Variants in PCDHGA9 observed in about 807,000 individuals in gnomAD.
The protein encoded by PCDHGA9 is protocadherin gamma-A9.
PCDHGA9 carries 37 observed loss-of-function variants against 62.5 expected under a neutral mutation model. The ratio of observed to expected loss-of-function variants is 0.59; its 90% CI spans 0.46 to 0.78. The LOEUF is 0.78. PCDHGA9 is among the 30% of genes least tolerant of loss of function. The probability of loss-of-function intolerance (pLI) is 0.00; values close to 1 mark genes in which losing one functional copy is unlikely to be tolerated. For missense variants in PCDHGA9, 1,138 were observed against 1,166.2 expected (o/e 0.98, Z 0.35); for synonymous variants, 459 against 484.6 (o/e 0.95, Z 0.69).
In PCDHGA9 at chr5:141,476,432, G is replaced by A. The variant is rs139089802; in HGVS notation, c.2425-18375G>A. 15 of 1,614,116 alleles carry A rather than the reference G, an allele frequency of 9.3e-6. No individual in the cohort carries two copies. The East Asian group carries it at 3.3e-4, about 36-fold the overall frequency. Reference sequence around the variant, plus strand: ...GTGTGGGACACTGCCCTCTTGCACTGTAACTCTGGAGTTGGTAGTGGAGAA... The same window carrying A: ...GTGTGGGACACTGCCCTCTTGCACTATAACTCTGGAGTTGGTAGTGGAGAA... On this transcript the variant is annotated intron_variant, in intron 1 of 3. Coordinates refer to ENST00000573521, the MANE Select transcript of PCDHGA9 (RefSeq NM_018921.3). The surrounding 1 kb of genome is among the most constrained non-coding windows in gnomAD (Gnocchi z 7.6).
chr5:141,422,661 C>T (rs1289162498), intron 1 of PCDHGA9: 7 of 1,608,938 alleles, frequency 4.4e-6, no homozygotes, highest in Admixed American at 1.7e-5. Flanking sequence ...TGACCGCCCT[C>T]GACCCGGACA....
rs746311453 is a variant in PCDHGA9 at position 141,428,229 on chromosome 5, C to T, written c.2424+22853C>T. On this transcript the variant is annotated intron_variant, in intron 1 of 3. Coordinates refer to ENST00000573521, the MANE Select transcript of PCDHGA9 (RefSeq NM_018921.3). ...CGCTTCACCTAGTCTTCGCAGACAGCCTGCAGGAGGCACTGCCAGACTTCA... is the reference window on the plus strand; with the variant it reads ...CGCTTCACCTAGTCTTCGCAGACAGTCTGCAGGAGGCACTGCCAGACTTCA... 3 of 1,098,554 alleles carry T rather than the reference C, an allele frequency of 2.7e-6. No homozygotes were observed. In the South Asian group the frequency reaches 3.9e-5, roughly 14 times the overall value. The allele number at this position is 1,098,554 out of a possible 1,614,324, so 68.1% of individuals were successfully genotyped here.
chr5:141,460,377 T>C (rs1592666836), intron 1 of PCDHGA9, among the ~76,000 whole-genome samples: 1 of 152,342 alleles, frequency 6.6e-6, no homozygotes, highest in Non-Finnish European at 1.5e-5. Flanking sequence ...AGTTTTACCA[T>C]TTATAATTTG....
chr5:141,477,901 C>T lies in PCDHGA9; in HGVS notation c.2425-16906C>T, dbSNP rs2099423750. ...GCCACCTAGTGTCACGGGTGGTAGG[C>T]TGGGACGCGGATGCAGGGCACAATG... On this transcript the variant is annotated intron_variant, in intron 1 of 3. Transcript: ENST00000573521. The surrounding 1 kb of genome is among the most constrained non-coding windows in gnomAD (Gnocchi z 4.9). The T allele has an allele frequency of 1.9e-6, 3 of 1,614,188 alleles. No homozygotes were observed. The highest frequency in any genetic ancestry group is 2.5e-6 in the Non-Finnish European group (3 of 1,180,042).
intron 1 of PCDHGA9, chr5:141,422,397 C>A (rs753017439): frequency 6.3e-6 from 10 of 1,597,488 alleles, no homozygotes; most frequent in African/African-American, 2.7e-5. Context: ...TTCCTAACCA[C>A]CTGCCTTTTA....
intron 1 of PCDHGA9, among the ~76,000 whole-genome samples, chr5:141,443,873 T>A (rs1250320938): frequency 6.6e-6 from 1 of 152,100 alleles, no homozygotes; most frequent in Non-Finnish European, 1.5e-5. Context: ...AAATTACTGA[T>A]AAGTCAAGAG....
intron 1 of PCDHGA9, chr5:141,420,199 C>G (rs764130526): frequency 6.2e-7 from 1 of 1,613,362 alleles, no homozygotes; most frequent in Non-Finnish European, 8.5e-7. Flanking sequence ...CACAAGATAA[C>G]CTCAACAAAG....
intron 1 of PCDHGA9, chr5:141,421,325 G>A: frequency 6.2e-7 from 1 of 1,613,906 alleles, no homozygotes; most frequent in Non-Finnish European, 8.5e-7. Context: ...AGGCAGATCC[G>A]ATATTCGGTG....
chr5:141,408,201 C>T (rs1036342508), intron 1 of PCDHGA9: 4 of 1,548,914 alleles, frequency 2.6e-6, no homozygotes, highest in South Asian at 2.4e-5. Flanking sequence ...CCCGAGCGAA[C>T]GATGGGAGGG....
intron 1 of PCDHGA9, among the ~76,000 whole-genome samples, chr5:141,457,594 TA>T (rs1239366532): frequency 6.6e-6 from 1 of 152,250 alleles, no homozygotes; most frequent in Non-Finnish European, 1.5e-5. Flanking sequence ...TCATTTTTGG[TA>T]AAAACTAATT....
At chr5:141,478,740 C>T (rs2099474176) in intron 1 of PCDHGA9, 7 of 1,531,524 alleles carry the variant, frequency 4.6e-6, no homozygotes, top group Non-Finnish European at 6.2e-6. Flanking sequence ...GGTTTGTGGT[C>T]CCATTTCAGG....
chr5:141,508,479 T>G (rs1361434920), intron 3 of PCDHGA9, among the ~76,000 whole-genome samples: 1 of 152,152 alleles, frequency 6.6e-6, no homozygotes, highest in Non-Finnish European at 1.5e-5. Flanking sequence ...TCTTTTACAT[T>G]CTGGATTTCC....
At position 141,427,408 on chromosome 5, in the gene PCDHGA9, G is replaced by C. The variant is rs975709597; in HGVS notation, c.2424+22032G>C. ...TTCAAAACACATGATAAAGATTCGA[G>C]AGAAAATGGGGAGGTTACATGCCTC... On this transcript the variant is annotated intron_variant, in intron 1 of 3. Coordinates refer to ENST00000573521, the MANE Select transcript of PCDHGA9 (RefSeq NM_018921.3). The C allele has an allele frequency of 1.3e-5, 6 of 463,300 alleles. No homozygotes were observed. In the Admixed American group the frequency reaches 1.4e-4, roughly 11 times the overall value. The allele number at this position is 463,300 out of a possible 1,614,324, so 28.7% of individuals were successfully genotyped here. A position where few individuals can be genotyped will look rare whatever the true frequency, so the allele number is the denominator to read the frequency against.
At chr5:141,408,566 G>A (rs779048929) in intron 1 of PCDHGA9, 2 of 1,613,912 alleles carry the variant, frequency 1.2e-6, no homozygotes, top group East Asian at 4.5e-5. Flanking sequence ...TGTCATTGTG[G>A]TGATTGAGGA....
At chr5:141,409,870 T>A (rs980871481) in intron 1 of PCDHGA9, 2 of 1,612,670 alleles carry the variant, frequency 1.2e-6, no homozygotes, top group Admixed American at 1.7e-5. Context: ...GAGACCGCAA[T>A]GACAACGCAC....
chr5:141,462,253 A>C (rs7717600), intron 1 of PCDHGA9, among the ~76,000 whole-genome samples: 42,489 of 152,124 alleles, frequency 0.28, 6,669 homozygotes, highest in African/African-American at 0.43. Context: ...AGCCACCATG[A>C]CCAGCCTAAA....
rs754140602 is a variant in PCDHGA9 at position 141,410,043 on chromosome 5, C to G, written c.2424+4667C>G. Reference sequence around the variant, plus strand: ...TACCACGTGCTGCAGGCCAGTGAGCCCGGACTCTTCAGCCTGGGGCTGCGC... The same window carrying G: ...TACCACGTGCTGCAGGCCAGTGAGCGCGGACTCTTCAGCCTGGGGCTGCGC... On this transcript the variant is annotated intron_variant, in intron 1 of 3. Transcript: ENST00000573521. 13 of 1,613,080 alleles carry G rather than the reference C, an allele frequency of 8.1e-6. No homozygotes were observed. The South Asian group carries it at 1.2e-4, about 15-fold the overall frequency.
intron 1 of PCDHGA9, among the ~76,000 whole-genome samples, chr5:141,425,967 G>A (rs1021171082): frequency 2.0e-5 from 3 of 152,214 alleles, no homozygotes; most frequent in Non-Finnish European, 4.4e-5. Flanking sequence ...CAACACATCA[G>A]TCTAATTCTG....
intron 1 of PCDHGA9, among the ~76,000 whole-genome samples, chr5:141,445,007 G>T (rs771023003): frequency 1.3e-5 from 2 of 151,994 alleles, no homozygotes; most frequent in African/African-American, 4.8e-5. Flanking sequence ...ATTTAATTAG[G>T]TCTTTAATTT....
Sources: gnomAD v4.1 joint callset for allele counts (sites outside exome capture counted in the v4.1 genomes callset) on GRCh38, gnomAD v4.1.1 for gene constraint, Gnocchi (gnomAD v3.1) non-coding constraint, MANE v1.5 for transcripts, NCBI Gene and HGNC (gene_info 2026-07-23, HGNC 2026-07-21) for gene names.